Variants in PCDHGA6 observed in about 807,000 individuals in gnomAD.
PCDHGA6 encodes protocadherin gamma-A6.
In PCDHGA6, 41 loss-of-function variants were observed where a neutral mutation model predicts 60.6. The observed-to-expected ratio is 0.68, with a 90% CI of 0.53 to 0.88. The LOEUF is 0.88. PCDHGA6 is among the 40% of genes least tolerant of loss of function. The pLI is 0.00. For synonymous variants in PCDHGA6, 594 were observed against 524.4 expected (o/e 1.13, Z -1.81); for missense variants, 1,312 against 1,203.0 (o/e 1.09, Z -1.34).
chr5:141,473,930 G>T (rs966856411), intron 1 of PCDHGA6, among the ~76,000 whole-genome samples: 3 of 152,156 alleles, frequency 2.0e-5, no homozygotes, highest in Admixed American at 6.5e-5. Flanking sequence ...TGAGCTGGGT[G>T]CAGTAGCTCA....
Position 141,491,826 on chromosome 5 carries a change from C to A in PCDHGA6, c.2425-2981C>A. 1 of 1,477,526 alleles carries A rather than the reference C, an allele frequency of 6.8e-7. No homozygotes were observed. The highest frequency in any genetic ancestry group is 9.0e-7 in the Non-Finnish European group (1 of 1,114,486). The allele number at this position is 1,477,526 out of a possible 1,614,324, so 91.5% of individuals were successfully genotyped here. A position where few individuals can be genotyped will look rare whatever the true frequency, so the allele number is the denominator to read the frequency against. ...GGCTTGGTCGCTGGCTGCGCTCCAC[C>A]CGATTCTCGGGATCATTGGACCGTT... On this transcript the variant is annotated intron_variant, in intron 1 of 3. Transcript: ENST00000517434. The surrounding 1 kb of genome is among the most constrained non-coding windows in gnomAD (Gnocchi z 6.9).
intron 1 of PCDHGA6, chr5:141,478,446 G>A: frequency 6.2e-7 from 1 of 1,613,520 alleles, no homozygotes; most frequent in Non-Finnish European, 8.5e-7. Flanking sequence ...AAGAAACCTG[G>A]TGCAGCCAGT....
In PCDHGA6 at chr5:141,485,126, G is replaced by C; in HGVS notation, c.2425-9681G>C. ...TGCTGTGGCTGTTTGGGGCGGGTCG[G>C]CTTCATCCGCGTCTCAGGAGCAAGT... On this transcript the variant is annotated intron_variant, in intron 1 of 3. Transcript: ENST00000517434. The surrounding 1 kb of genome is among the most constrained non-coding windows in gnomAD (Gnocchi z 5.7). 1.4e-6 allele frequency: 2 copies of C among 1,432,378 alleles called. No homozygotes were observed. The highest frequency in any genetic ancestry group is 2.4e-5 in the South Asian group (2 of 81,724). 88.7% of individuals were successfully genotyped at this position (1,432,378 alleles called of 1,614,324 possible). A position where few individuals can be genotyped will look rare whatever the true frequency, so the allele number is the denominator to read the frequency against.
chr5:141,376,559 C>T, intron 1 of PCDHGA6, 52 bp downstream of exon 1: 1 of 1,609,498 alleles, frequency 6.2e-7, no homozygotes, highest in Non-Finnish European at 8.5e-7. Flanking sequence ...TCCCGCAACC[C>T]AACTAATCAG....
intron 1 of PCDHGA6, among the ~76,000 whole-genome samples, chr5:141,381,472 A>G (rs1777217104): frequency 6.6e-6 from 1 of 152,246 alleles, no homozygotes; most frequent in Non-Finnish European, 1.5e-5. Context: ...AATGCTGTCT[A>G]GAGATCCCTG....
intron 1 of PCDHGA6, chr5:141,422,639 C>T (rs777330051): frequency 3.7e-6 from 6 of 1,612,780 alleles, no homozygotes; most frequent in South Asian, 2.2e-5. Flanking sequence ...AGGGGTGCCT[C>T]CATCTTCTCA....
Position 141,487,333 on chromosome 5 carries a change from C to T in PCDHGA6, c.2425-7474C>T. 6.2e-7 allele frequency: 1 copy of T among 1,614,176 alleles called. No homozygotes were observed. The highest frequency in any genetic ancestry group is 8.5e-7 in the Non-Finnish European group (1 of 1,180,022). On this transcript the variant is annotated intron_variant, in intron 1 of 3. Transcript: ENST00000517434. The surrounding 1 kb of genome is among the most constrained non-coding windows in gnomAD (Gnocchi z 5.0). ...TCTCTAAGTGTCTTCGTGGGGCAGC[C>T]TGTGGAGTCACATGCTTTCCTGCTG...
At chr5:141,381,178 G>A (rs1267503052) in intron 1 of PCDHGA6, among the ~76,000 whole-genome samples, 1 of 152,222 alleles carries the variant, frequency 6.6e-6, no homozygotes, top group African/African-American at 2.4e-5. Flanking sequence ...CCCACAAAAC[G>A]AAGTTAAGCT....
At chr5:141,392,903 G>A in intron 1 of PCDHGA6, 1 of 1,613,884 alleles carries the variant, frequency 6.2e-7, no homozygotes, top group South Asian at 1.1e-5. Flanking sequence ...GGAGGGGACA[G>A]ATTCGCTACT....
At chr5:141,420,725 C>T (rs1468308275) in intron 1 of PCDHGA6, among the ~76,000 whole-genome samples, 1 of 152,188 alleles carries the variant, frequency 6.6e-6, no homozygotes, top group African/African-American at 2.4e-5. Flanking sequence ...TCCTTTCAGT[C>T]GGTTAAAATC....
Position 141,420,177 on chromosome 5 carries a change from A to G in PCDHGA6, c.2424+43670A>G, listed in dbSNP as rs1188698450. The G allele has an allele frequency of 2.5e-6, 4 of 1,613,992 alleles. No homozygotes were observed. Among genetic ancestry groups the G allele is most frequent in the South Asian group, 2.2e-5 (2 of 91,086 alleles). ...TTTAATTTTTTCACATCTGTTGATC[A>G]TTGTCCAGCCACACAAGATAACCTC... On this transcript the variant is annotated intron_variant, in intron 1 of 3. Coordinates refer to ENST00000517434, the MANE Select transcript of PCDHGA6 (RefSeq NM_018919.3).
intron 1 of PCDHGA6, chr5:141,383,027 C>T (rs752703068): frequency 1.2e-6 from 2 of 1,613,838 alleles, no homozygotes; most frequent in Admixed American, 1.7e-5. Context: ...GACAAAGGGT[C>T]CTTTGTGGGA....
Position 141,511,089 on chromosome 5 carries a change from C to T in PCDHGA6, c.2715C>T (p.Thr905=). The change falls in exon 4 of 4, where the codon ACC becomes ACT. Residue 905 remains threonine (T), a synonymous_variant. Transcript: ENST00000517434. ...TCCCAGGCAGCAATGCCACACTGAC[C>T]AACGCAGCTGGCAAGCGGGATGGCA... is the stretch of plus-strand genomic sequence containing the variant. ...VYIPGSNATL[T]NAAGKRDGKA... 1 of 1,614,212 alleles carries T rather than the reference C, an allele frequency of 6.2e-7. No individual in the cohort carries two copies. Among genetic ancestry groups the T allele is most frequent in the Non-Finnish European group, 8.5e-7 (1 of 1,180,026 alleles).
intron 1 of PCDHGA6, chr5:141,382,967 C>T (rs779802932): frequency 6.2e-7 from 1 of 1,609,176 alleles, no homozygotes; most frequent in Non-Finnish European, 8.5e-7. Context: ...CTGGGGACCC[C>T]CTGGGAAGCC....
At chr5:141,447,084 T>A (rs2098525776) in intron 1 of PCDHGA6, among the ~76,000 whole-genome samples, 1 of 152,186 alleles carries the variant, frequency 6.6e-6, no homozygotes, top group Non-Finnish European at 1.5e-5. Flanking sequence ...TTTTGTTGTT[T>A]AATTTTCTTT....
intron 1 of PCDHGA6, chr5:141,420,985 C>T (rs1371634966): frequency 4.1e-6 from 2 of 487,950 alleles, no homozygotes; most frequent in African/African-American, 4.0e-5. Flanking sequence ...GGGCTCTAGG[C>T]GCCGCTGCTC....
At chr5:141,415,183 G>A (rs201831693) in intron 1 of PCDHGA6, 913 of 1,613,968 alleles carry the variant, frequency 5.7e-4, no homozygotes, top group Non-Finnish European at 5.1e-4. Flanking sequence ...GGCCGTGGCC[G>A]ACAGCATCCC....
chr5:141,487,919 A>G lies in PCDHGA6; in HGVS notation c.2425-6888A>G, dbSNP rs548678238. ...ATGGAATGTGGGAGCACAGGAGGCTACAGTGCACAGGGTACAGTGCACCAG... is the reference window on the plus strand; with the variant it reads ...ATGGAATGTGGGAGCACAGGAGGCTGCAGTGCACAGGGTACAGTGCACCAG... On this transcript the variant is annotated intron_variant, in intron 1 of 3. Transcript: ENST00000517434. The surrounding 1 kb of genome is among the most constrained non-coding windows in gnomAD (Gnocchi z 5.0). 23 of 644,878 alleles carry G rather than the reference A, an allele frequency of 3.6e-5. No individual in the cohort carries two copies. Among genetic ancestry groups the G allele is most frequent in the Non-Finnish European group, 5.6e-5 (21 of 374,374 alleles). 39.9% of individuals were successfully genotyped at this position (644,878 alleles called of 1,614,324 possible). A position where few individuals can be genotyped will look rare whatever the true frequency, so the allele number is the denominator to read the frequency against.
intron 3 of PCDHGA6, 133 bp downstream of exon 3, chr5:141,505,614 AC>A: frequency 6.6e-7 from 1 of 1,510,758 alleles, no homozygotes; most frequent in Non-Finnish European, 8.9e-7. Flanking sequence ...GTCTGAAAGG[AC>A]CCACAATTCC....
Sources: allele counts gnomAD v4.1 joint callset (sites outside exome capture counted in the v4.1 genomes callset), GRCh38; gene constraint gnomAD v4.1.1; non-coding constraint Gnocchi (gnomAD v3.1); transcripts MANE v1.5; gene names NCBI Gene and HGNC (gene_info 2026-07-23, HGNC 2026-07-21).